The following KCNJ16 variants were observed in gnomAD, a reference collection of about 807,000 sequenced individuals.
KCNJ16 encodes inward rectifier potassium channel 16.
A neutral mutation model predicts 18.5 loss-of-function variants in KCNJ16; 15 were observed. The observed-to-expected ratio is 0.81, with a 90% confidence interval of 0.54 to 1.25. The LOEUF (loss-of-function observed/expected upper bound fraction) is 1.25, where lower values mean the gene tolerates loss of function less well. KCNJ16 is among the 50% of genes most tolerant of loss of function. The pLI is 0.00. For synonymous variants in KCNJ16, 174 were observed against 186.5 expected (o/e 0.93, Z 0.55); for missense variants, 523 against 525.7 (o/e 0.99, Z 0.05).
At chr17:70,124,774 T>C (rs1176275678) in intron 2 of KCNJ16, among the ~76,000 whole-genome samples, 2 of 152,250 alleles carry the variant, frequency 1.3e-5, no homozygotes, top group African/African-American at 2.4e-5. Context: ...TGGATTTCTT[T>C]AGCCTGTTAA....
chr17:70,102,070 T>G (rs138599430), intron 2 of KCNJ16: 2 of 152,096 alleles, frequency 1.3e-5, no homozygotes, highest in Non-Finnish European at 2.9e-5. Context: ...ACCTGATTAG[T>G]TGAAGCCAGT....
chr17:70,091,068 G>C (rs141388780), intron 1 of KCNJ16, among the ~76,000 whole-genome samples: 3 of 152,196 alleles, frequency 2.0e-5, no homozygotes, highest in African/African-American at 7.2e-5. Context: ...AGAATGTTAA[G>C]TTCTCCCCTA....
intron 1 of KCNJ16, among the ~76,000 whole-genome samples, chr17:70,083,805 C>T (rs2071668090): frequency 6.6e-6 from 1 of 152,178 alleles, no homozygotes; most frequent in Non-Finnish European, 1.5e-5. Context: ...ATCCCTGTAT[C>T]TGGCACTGGA....
intron 1 of KCNJ16, among the ~76,000 whole-genome samples, chr17:70,092,288 T>C (rs1411043722): frequency 1.3e-5 from 2 of 152,158 alleles, no homozygotes; most frequent in Non-Finnish European, 2.9e-5. Context: ...GATCTGTAGA[T>C]ACCATGTGAA....
In KCNJ16 at chr17:70,135,414, TA is replaced by T. The variant is rs1232250304; in HGVS notation, c.*2071del. On this transcript the variant is annotated 3_prime_UTR_variant, in exon 4 of 4. Coordinates refer to ENST00000392671, the MANE Select transcript of KCNJ16 (RefSeq NM_170741.4). ...GATGTTTGCCTTGTCAATATCAGAA[TA>T]GGGGCATCAGTGTCCCGTGAAATAC... 1 of 167,108 alleles carries T rather than the reference TA, an allele frequency of 6.0e-6. No homozygotes were observed. Among genetic ancestry groups the T allele is most frequent in the Non-Finnish European group, 1.5e-5 (1 of 68,126 alleles). The allele number at this position is 167,108 out of a possible 1,614,324, so 10.4% of individuals were successfully genotyped here.
At chr17:70,107,079 G>C (rs184890327) in intron 2 of KCNJ16, among the ~76,000 whole-genome samples, 2 of 152,188 alleles carry the variant, frequency 1.3e-5, no homozygotes, top group East Asian at 3.9e-4. Flanking sequence ...AAAAACTACT[G>C]ACATTTATGA....
chr17:70,098,925 G>A (rs767400120), intron 1 of KCNJ16, among the ~76,000 whole-genome samples: 1 of 152,218 alleles, frequency 6.6e-6, no homozygotes, highest in Non-Finnish European at 1.5e-5. Flanking sequence ...CTAAGTGCCT[G>A]AGCCAGCTCC....
chr17:70,094,567 T>C (rs935693712), intron 1 of KCNJ16, among the ~76,000 whole-genome samples: 2 of 152,210 alleles, frequency 1.3e-5, no homozygotes, highest in African/African-American at 4.8e-5. Context: ...GTGAGGTATT[T>C]AAATTATTGT....
At chr17:70,122,809 G>A (rs1206882827) in intron 2 of KCNJ16, among the ~76,000 whole-genome samples, 3 of 152,070 alleles carry the variant, frequency 2.0e-5, no homozygotes, top group East Asian at 1.9e-4. Context: ...GTAACTCTGC[G>A]TCGCTTCCTC....
At chr17:70,110,530 G>A (rs12940454) in intron 2 of KCNJ16, among the ~76,000 whole-genome samples, 17,199 of 151,348 alleles carry the variant, frequency 0.11, 1,217 homozygotes, top group East Asian at 0.27. Context: ...CAGTCTTTAT[G>A]ATGAGAGCTA....
intron 1 of KCNJ16, among the ~76,000 whole-genome samples, chr17:70,079,019 C>T (rs950331103): frequency 1.3e-5 from 2 of 151,886 alleles, no homozygotes; most frequent in African/African-American, 4.8e-5. Flanking sequence ...TTTCTACTAC[C>T]GTTTGGTTAT....
At chr17:70,082,672 T>C (rs1262849097) in intron 1 of KCNJ16, among the ~76,000 whole-genome samples, 1 of 152,222 alleles carries the variant, frequency 6.6e-6, no homozygotes, top group Non-Finnish European at 1.5e-5. Context: ...TTCCCTGTGC[T>C]TTATACATTG....
intron 1 of KCNJ16, among the ~76,000 whole-genome samples, chr17:70,083,727 C>T (rs2071662303): frequency 6.6e-6 from 1 of 152,080 alleles, no homozygotes; most frequent in Non-Finnish European, 1.5e-5. Flanking sequence ...TTAAGTGACA[C>T]ATGACTGTAT....
chr17:70,129,901 CA>C (rs2073997711), intron 2 of KCNJ16, among the ~76,000 whole-genome samples: 1 of 144,260 alleles, frequency 6.9e-6, no homozygotes, highest in Non-Finnish European at 1.5e-5. Context: ...TAAAACCTTT[CA>C]TTTATTTATT....
chr17:70,084,659 G>A (rs185829471), intron 1 of KCNJ16, among the ~76,000 whole-genome samples: 7 of 152,150 alleles, frequency 4.6e-5, no homozygotes, highest in African/African-American at 7.2e-5. Context: ...TAGCAACCAC[G>A]TCCCCTACAC....
intron 1 of KCNJ16, chr17:70,096,886 C>A: frequency 2.5e-6 from 1 of 398,186 alleles, no homozygotes; most frequent in Non-Finnish European, 4.4e-6. Flanking sequence ...GAGTGTAGAC[C>A]AACCTACATT....
intron 2 of KCNJ16, among the ~76,000 whole-genome samples, chr17:70,122,165 C>A (rs1019826617): frequency 6.8e-6 from 1 of 147,870 alleles, no homozygotes; most frequent in Admixed American, 6.7e-5. Flanking sequence ...CATATGCTTG[C>A]ATATCGGATA....
intron 1 of KCNJ16, among the ~76,000 whole-genome samples, chr17:70,097,849 G>T (rs1003083599): frequency 6.6e-6 from 1 of 151,648 alleles, no homozygotes; most frequent in African/African-American, 2.4e-5. Context: ...TCTAATTATT[G>T]TTGATTCTGA....
At chr17:70,075,709 T>C (rs774624292) in intron 1 of KCNJ16, among the ~76,000 whole-genome samples, 1 of 152,184 alleles carries the variant, frequency 6.6e-6, no homozygotes, top group African/African-American at 2.4e-5. Flanking sequence ...TCATACCACA[T>C]GGAGTATTCT....
Sources: allele counts gnomAD v4.1 joint callset (sites outside exome capture counted in the v4.1 genomes callset), GRCh38; gene constraint gnomAD v4.1.1; transcripts MANE v1.5; gene names NCBI Gene and HGNC (gene_info 2026-07-23, HGNC 2026-07-21).